MGST1: variants seen among roughly 807,000 people sequenced by gnomAD.
MGST1 encodes microsomal glutathione S-transferase 1, also known as glutathione S-transferase 12.
In MGST1, 5 loss-of-function variants were observed where a neutral mutation model predicts 8.9. That is an observed-to-expected ratio of 0.56 (90% CI 0.29 to 1.19). The LOEUF is 1.19. Among genes scored for constraint, MGST1 ranks in the 50% most tolerant of loss-of-function variants. MGST1 has a pLI of 0.08. For missense variants in MGST1, 182 were observed against 187.4 expected (o/e 0.97, Z 0.17); for synonymous variants, 54 against 67.8 (o/e 0.80, Z 1.00).
At chr12:16,374,099 A>C (rs1940342314) in intron 3 of MGST1, among the ~76,000 whole-genome samples, 2 of 152,086 alleles carry the variant, frequency 1.3e-5, no homozygotes, top group Non-Finnish European at 2.9e-5. Context: ...AACACCATTA[A>C]ATCACTCACT....
chr12:16,440,268 C>CAT (rs1415928704), downstream of MGST1, among the ~76,000 whole-genome samples: 85 of 150,734 alleles, frequency 5.6e-4, no homozygotes, highest in Middle Eastern at 3.4e-3. Flanking sequence ...CACACACACA[C>CAT]ACATACACAG....
At chr12:16,382,870 TG>T (rs1254131775) in exon 1 of MGST1, 1 of 153,332 alleles carries the variant, frequency 6.5e-6, no homozygotes, top group African/African-American at 2.4e-5. Context: ...CCAGCCTCGC[TG>T]CTGCCTTGCA....
downstream of MGST1, among the ~76,000 whole-genome samples, chr12:16,366,970 G>C (rs529152585): frequency 5.6e-4 from 86 of 152,242 alleles, 1 homozygote; most frequent in African/African-American, 1.9e-3. The surrounding 1 kb of genome is among the most constrained non-coding windows in gnomAD (Gnocchi z 4.0). Context: ...AAGGGCAAAC[G>C]TACATTTATA....
chr12:16,528,632 C>A (rs962933224), intron 4 of MGST1, among the ~76,000 whole-genome samples: 8 of 151,944 alleles, frequency 5.3e-5, no homozygotes, highest in Non-Finnish European at 1.0e-4. Flanking sequence ...AAGCCTAATG[C>A]AAAGTGCACT....
intron 4 of MGST1, among the ~76,000 whole-genome samples, chr12:16,568,740 A>T (rs910830720): frequency 6.6e-6 from 1 of 152,228 alleles, no homozygotes; most frequent in Non-Finnish European, 1.5e-5. Flanking sequence ...GCTACTAGAA[A>T]TATTAAAATT....
At chr12:16,402,318 A>G in intron 1 of MGST1, 1 of 1,595,988 alleles carries the variant, frequency 6.3e-7, no homozygotes, top group Non-Finnish European at 8.6e-7. Flanking sequence ...CACTGATGCA[A>G]CAATGGCTCA....
intron 4 of MGST1, among the ~76,000 whole-genome samples, chr12:16,449,077 A>G (rs987781265): frequency 1.3e-5 from 2 of 151,956 alleles, no homozygotes; most frequent in Non-Finnish European, 2.9e-5. Context: ...TTTAGTTGTT[A>G]TATTAGGCCA....
chr12:16,398,187 T>C (rs750395877), intron 1 of MGST1, among the ~76,000 whole-genome samples: 1 of 151,228 alleles, frequency 6.6e-6, no homozygotes, highest in Non-Finnish European at 1.5e-5. Flanking sequence ...CAAACAAACA[T>C]AAAATCCGAG....
At chr12:16,509,543 T>C (rs923972149) in intron 4 of MGST1, among the ~76,000 whole-genome samples, 1 of 152,038 alleles carries the variant, frequency 6.6e-6, no homozygotes, top group African/African-American at 2.4e-5. Context: ...TTGTTTGAGA[T>C]AGATGTGTAA....
In MGST1 at chr12:16,517,536, A is replaced by G. The variant is rs373133522; in HGVS notation, n.483-71992A>G. Among the ~76,000 whole-genome samples, 6 of 152,312 alleles carry G rather than the reference A, an allele frequency of 3.9e-5. No individual in the cohort carries two copies. In the South Asian group the frequency reaches 8.3e-4, roughly 21 times the overall value. On this transcript the variant is annotated intron_variant and non_coding_transcript_variant, in intron 4 of 4. Coordinates refer to the MGST1 transcript ENST00000538857. This position sits in a 1 kb window ranked among gnomAD's most constrained non-coding sequence, Gnocchi z 4.2. ...AATAAAATATTATTGTTTGTAAATT[A>G]CCCAGTCAGTGCTATTTTACTACAG...
rs1283564353 is a variant in MGST1, at chr12:16,589,251, C to T, written n.483-277C>T. 6.6e-6 allele frequency among the ~76,000 whole-genome samples: 1 copy of T among 151,968 alleles called. No individual in the cohort carries two copies. The highest frequency in any genetic ancestry group is 2.4e-5 in the African/African-American group (1 of 41,376). On this transcript the variant is annotated intron_variant and non_coding_transcript_variant, in intron 4 of 4. Coordinates refer to the MGST1 transcript ENST00000538857. This position sits in a 1 kb window ranked among gnomAD's most constrained non-coding sequence, Gnocchi z 4.2. ...TTATAACAACAGTAGATGAATGCAT[C>T]CTAATAGGAATACATAAGTTATCTG...
At chr12:16,504,629 G>A (rs1941525576) in intron 4 of MGST1, among the ~76,000 whole-genome samples, 1 of 152,066 alleles carries the variant, frequency 6.6e-6, no homozygotes, top group Non-Finnish European at 1.5e-5. Flanking sequence ...GCGTGGAGTG[G>A]GGAGAAGTAA....
chr12:16,384,863 G>A (rs1468538451), intron 1 of MGST1, among the ~76,000 whole-genome samples: 3 of 152,350 alleles, frequency 2.0e-5, no homozygotes, highest in East Asian at 3.9e-4. Context: ...CTCCTTGTGG[G>A]ATGCAGAAGG....
chr12:16,536,358 C>A (rs553613954), intron 4 of MGST1, among the ~76,000 whole-genome samples: 3 of 152,088 alleles, frequency 2.0e-5, no homozygotes, highest in East Asian at 1.9e-4. Flanking sequence ...TAAATGAAAT[C>A]AAAAATTTCA....
rs149475191 is a variant in MGST1 at position 16,466,390 on chromosome 12, G to T, written n.482+82786G>T. ...CTACTAATTCTGATGAAAAGTGAAG[G>T]AATCTACTGTATACAACTGAAGCTT... is the stretch of plus-strand genomic sequence containing the variant. On this transcript the variant is annotated intron_variant and non_coding_transcript_variant, in intron 4 of 4. Transcript: ENST00000538857. Among the ~76,000 whole-genome samples the T allele has an allele frequency of 1.5e-3, 228 of 152,256 alleles. 2 individuals carry two copies. Among genetic ancestry groups the T allele is most frequent in the African/African-American group, 4.9e-3 (203 of 41,550 alleles).
chr12:16,368,028 T>A (rs1940224315), downstream of MGST1, among the ~76,000 whole-genome samples: 1 of 149,734 alleles, frequency 6.7e-6, no homozygotes, highest in Non-Finnish European at 1.5e-5. Flanking sequence ...ACTTGGCATG[T>A]CTATGCTGAG....
chr12:16,552,712 A>G (rs1233528297), intron 4 of MGST1, among the ~76,000 whole-genome samples: 1 of 152,094 alleles, frequency 6.6e-6, no homozygotes, highest in Non-Finnish European at 1.5e-5. Context: ...GAAAGCACAG[A>G]CTATGCACTG....
At chr12:16,379,846 A>G (rs1448087527), downstream of MGST1, among the ~76,000 whole-genome samples, 1 of 152,128 alleles carries the variant, frequency 6.6e-6, no homozygotes, top group Non-Finnish European at 1.5e-5. Flanking sequence ...GTCTGTTCAG[A>G]GATTCAACTT....
chr12:16,356,336 T>C (rs957239108), intron 2 of MGST1, among the ~76,000 whole-genome samples: 1 of 152,162 alleles, frequency 6.6e-6, no homozygotes, highest in Admixed American at 6.5e-5. Flanking sequence ...ATATATTTAT[T>C]GTACATCTAG....
Sources: allele counts gnomAD v4.1 joint callset (sites outside exome capture counted in the v4.1 genomes callset), GRCh38; gene constraint gnomAD v4.1.1; non-coding constraint Gnocchi (gnomAD v3.1); transcripts MANE v1.5; gene names NCBI Gene and HGNC (gene_info 2026-07-23, HGNC 2026-07-21).